NDST4: variants seen among roughly 807,000 people sequenced by gnomAD.
The protein encoded by NDST4 is N-deacetylase and N-sulfotransferase 4.
Under a neutral mutation model 100.8 loss-of-function variants are expected in NDST4, and 63 were observed. That is an observed-to-expected ratio of 0.62 (90% CI 0.51 to 0.77). The LOEUF is 0.77. Among genes scored for constraint, NDST4 ranks in the 30% least tolerant of loss-of-function variants. The pLI is 0.00. For missense variants in NDST4, 943 were observed against 1,018.4 expected, an observed-to-expected ratio of 0.93 and a Z score of 1.01; for synonymous variants, 377 against 361.8, an observed-to-expected ratio of 1.04 and a Z score of -0.48.
chr4:115,052,676 T>C (rs1310406894), intron 2 of NDST4, among the ~76,000 whole-genome samples: 1 of 152,166 alleles, frequency 6.6e-6, no homozygotes, highest in Non-Finnish European at 1.5e-5. Flanking sequence ...CCTAGCCATG[T>C]GGAACTGTGA....
At chr4:114,953,802 A>G (rs1726076881) in intron 4 of NDST4, among the ~76,000 whole-genome samples, 1 of 152,182 alleles carries the variant, frequency 6.6e-6, no homozygotes. Flanking sequence ...AAATGTATGC[A>G]TACTTAATAT....
In NDST4 at chr4:115,033,147, ATATATATATATT is replaced by A. The variant is rs1560574210; in HGVS notation, c.978+42900_978+42911del. 1.4e-3 allele frequency among the ~76,000 whole-genome samples: 175 copies of A among 126,714 alleles called. 1 individual carries two copies. Among genetic ancestry groups the A allele is most frequent in the African/African-American group, 5.7e-3 (168 of 29,402 alleles). 83.1% of individuals were successfully genotyped at this position (126,714 alleles called of 152,430 possible). The stretch of plus-strand genomic sequence containing the variant: ...TATATATGTGTATATATATATATAT[ATATATATATATT>A]TTTTTTTTTTTTGAAACAGGGTCTC... On this transcript the variant is annotated intron_variant, in intron 2 of 13. Transcript: ENST00000264363.
chr4:114,894,005 C>T (rs911242838), intron 6 of NDST4, among the ~76,000 whole-genome samples: 6 of 152,084 alleles, frequency 3.9e-5, no homozygotes, highest in South Asian at 2.1e-4. Flanking sequence ...GATCCTTTCC[C>T]CATTGCTTGT....
At chr4:114,941,427 C>CT (rs752575318) in intron 4 of NDST4, among the ~76,000 whole-genome samples, 15 of 151,032 alleles carry the variant, frequency 9.9e-5, no homozygotes, top group Admixed American at 2.6e-4. Flanking sequence ...CTCCTGTTCA[C>CT]TTTTTTTTTG....
chr4:114,937,596 C>T, intron 4 of NDST4, 93 bp from the exon 5 acceptor site: 1 of 1,010,950 alleles, frequency 9.9e-7, no homozygotes, highest in South Asian at 1.8e-5. Flanking sequence ...ATACATTGAA[C>T]TCTATGCTAA....
At chr4:114,862,390 A>C (rs1430992379) in intron 7 of NDST4, among the ~76,000 whole-genome samples, 1 of 152,168 alleles carries the variant, frequency 6.6e-6, no homozygotes, top group Non-Finnish European at 1.5e-5. Context: ...GATACAAAGC[A>C]ATAGGAAGGC....
chr4:115,075,079 G>C (rs1333062129), intron 2 of NDST4, among the ~76,000 whole-genome samples: 1 of 152,060 alleles, frequency 6.6e-6, no homozygotes, highest in African/African-American at 2.4e-5. Flanking sequence ...GGCTGAATCT[G>C]TTATTCAGTC....
chr4:115,066,460 T>A (rs1458248103), intron 2 of NDST4, among the ~76,000 whole-genome samples: 4 of 152,146 alleles, frequency 2.6e-5, no homozygotes, highest in Non-Finnish European at 4.4e-5. Flanking sequence ...AAAATTATGA[T>A]TAACTGTATC....
chr4:114,986,832 A>ATATATTTTT, intron 2 of NDST4, among the ~76,000 whole-genome samples: 10 of 94,646 alleles, frequency 1.1e-4, no homozygotes, highest in African/African-American at 3.7e-4. Flanking sequence ...ATATATATAT[A>ATATATTTTT]TTTTAATATA....
chr4:114,950,667 G>A (rs1204974918), intron 4 of NDST4, among the ~76,000 whole-genome samples: 1 of 152,098 alleles, frequency 6.6e-6, no homozygotes, highest in Non-Finnish European at 1.5e-5. Context: ...TACTGGAAGA[G>A]TACAGTAATT....
At chr4:115,091,901 G>A (rs509777) in intron 1 of NDST4, among the ~76,000 whole-genome samples, 114,222 of 152,060 alleles carry the variant, frequency 0.75, 43,691 homozygotes, top group African/African-American at 0.88. Context: ...CAAACCTTTG[G>A]TAACTATCAC....
intron 2 of NDST4, among the ~76,000 whole-genome samples, chr4:114,999,668 C>T (rs75772414): frequency 0.026 from 3,896 of 152,098 alleles, 81 homozygotes; most frequent in Non-Finnish European, 0.039. Flanking sequence ...GTAAAACATT[C>T]AGAGTAGCAT....
chr4:114,883,331 G>A (rs1428543447), intron 6 of NDST4, among the ~76,000 whole-genome samples: 2 of 152,056 alleles, frequency 1.3e-5, no homozygotes, highest in Non-Finnish European at 2.9e-5. Flanking sequence ...GGGATACTGA[G>A]TTATAAGGGA....
At chr4:114,915,833 G>T (rs1725156902) in intron 6 of NDST4, among the ~76,000 whole-genome samples, 2 of 151,988 alleles carry the variant, frequency 1.3e-5, no homozygotes, top group African/African-American at 2.4e-5. Flanking sequence ...GGAGGAGAAG[G>T]AGAGGGGGAG....
At chr4:114,977,514 G>C (rs906871814) in intron 2 of NDST4, among the ~76,000 whole-genome samples, 8 of 151,838 alleles carry the variant, frequency 5.3e-5, no homozygotes, top group African/African-American at 1.7e-4. Flanking sequence ...TTGCTGAGAG[G>C]CAATTGTCCA....
intron 6 of NDST4, among the ~76,000 whole-genome samples, chr4:114,882,581 A>G (rs1724392947): frequency 6.6e-6 from 1 of 152,090 alleles, no homozygotes; most frequent in Admixed American, 6.6e-5. Context: ...TAAAGTACAA[A>G]GAGAAAAAAA....
At chr4:114,913,068 T>C (rs956675756) in intron 6 of NDST4, among the ~76,000 whole-genome samples, 1 of 152,086 alleles carries the variant, frequency 6.6e-6, no homozygotes, top group African/African-American at 2.4e-5. Flanking sequence ...TGATAAATTA[T>C]TGAGCTCTTA....
chr4:115,069,295 G>T (rs1729019630), intron 2 of NDST4, among the ~76,000 whole-genome samples: 1 of 152,160 alleles, frequency 6.6e-6, no homozygotes, highest in South Asian at 2.1e-4. Context: ...GATAGATATT[G>T]AAATGCAAAC....
intron 12 of NDST4, 127 bp downstream of exon 12, chr4:114,833,479 G>A: frequency 1.6e-6 from 1 of 640,804 alleles, no homozygotes; most frequent in Middle Eastern, 3.0e-4. Flanking sequence ...ATATTCCTTT[G>A]ATTGCTTGTA....
Sources: gnomAD v4.1 joint callset for allele counts (sites outside exome capture counted in the v4.1 genomes callset) on GRCh38, gnomAD v4.1.1 for gene constraint, MANE v1.5 for transcripts, NCBI Gene and HGNC (gene_info 2026-07-23, HGNC 2026-07-21) for gene names.